MGAT5: variants seen among roughly 807,000 people sequenced by gnomAD.
The protein encoded by MGAT5 is alpha-1,6-mannosylglycoprotein 6-beta-N-acetylglucosaminyltransferase A.
MGAT5 carries 30 observed loss-of-function variants against 94.3 expected under a neutral mutation model. The observed-to-expected ratio is 0.32, with a 90% confidence interval of 0.24 to 0.43. MGAT5 has a LOEUF of 0.43. Among genes scored for constraint, MGAT5 ranks in the 20% least tolerant of loss-of-function variants. MGAT5 has a pLI of 1.00. For missense variants in MGAT5, 691 were observed against 905.5 expected, an observed-to-expected ratio of 0.76 and a Z score of 3.04; for synonymous variants, 310 against 322.9, an observed-to-expected ratio of 0.96 and a Z score of 0.43.
In MGAT5 at chr2:134,428,454, A is replaced by G; in HGVS notation, c.1869+15A>G. ...TTGAAAAACAGGTAAGGCTTATCAGAAGTCAGTCTGTCTTTGCTGTGTACT... is the reference window on the plus strand; with the variant it reads ...TTGAAAAACAGGTAAGGCTTATCAGGAGTCAGTCTGTCTTTGCTGTGTACT... On this transcript the variant is annotated intron_variant, in intron 14 of 15. Transcript: ENST00000281923. 1 of 1,611,222 alleles carries G rather than the reference A, an allele frequency of 6.2e-7. No individual in the cohort carries two copies. The highest frequency in any genetic ancestry group is 8.5e-7 in the Non-Finnish European group (1 of 1,177,848).
rs1392144232 is a variant in MGAT5, at chr2:134,321,595, C to G, written c.573+2856C>G. ...TGATGGATCACATATCACTTGCTAT[C>G]TGAGGCTGAGTATTTCATTTTGGAA... On this transcript the variant is annotated intron_variant, in intron 4 of 15. Transcript: ENST00000281923. Among the ~76,000 whole-genome samples, 3 of 152,172 alleles carry G rather than the reference C, an allele frequency of 2.0e-5. No homozygotes were observed. The East Asian group carries it at 5.8e-4, about 29-fold the overall frequency.
At chr2:134,439,413 A>G (rs1422021166) in intron 14 of MGAT5, among the ~76,000 whole-genome samples, 6 of 152,114 alleles carry the variant, frequency 3.9e-5, no homozygotes, top group Non-Finnish European at 8.8e-5. Context: ...AAAGTAACAC[A>G]AGGCCGGGCG....
chr2:134,169,168 A>G (rs1688083381), intron 1 of MGAT5, among the ~76,000 whole-genome samples: 1 of 152,280 alleles, frequency 6.6e-6, no homozygotes, highest in African/African-American at 2.4e-5. Context: ...AGAATGTATC[A>G]AGTAGGTTAT....
At chr2:134,252,107 G>A (rs1456980387), upstream of MGAT5, among the ~76,000 whole-genome samples, 2 of 152,218 alleles carry the variant, frequency 1.3e-5, no homozygotes, top group East Asian at 3.9e-4. Context: ...TGTCAGAGAA[G>A]TGTTGTAAGA....
chr2:134,145,697 G>C (rs1011505757), intron 1 of MGAT5, among the ~76,000 whole-genome samples: 11 of 152,216 alleles, frequency 7.2e-5, no homozygotes, highest in Admixed American at 2.0e-4. Flanking sequence ...CTTTATAGCT[G>C]TGTGCCTCTG....
chr2:134,351,867 TC>T (rs1558815987), intron 9 of MGAT5, among the ~76,000 whole-genome samples: 1 of 152,160 alleles, frequency 6.6e-6, no homozygotes. Flanking sequence ...AAGAAAAAGT[TC>T]CATGTTCCAA....
In MGAT5 at chr2:134,384,039, G is replaced by A. The variant is rs776404519; in HGVS notation, c.1381-18949G>A. On this transcript the variant is annotated intron_variant, in intron 10 of 15. Coordinates refer to ENST00000281923, the MANE Select transcript of MGAT5 (RefSeq NM_002410.5). ...GAAAGAATCAAAAGAAGGGTATATT[G>A]GACATAAAAATTTTATGTAATTCAC... Among the ~76,000 whole-genome samples the A allele has an allele frequency of 2.3e-4, 35 of 151,916 alleles. 1 individual carries two copies. The highest frequency in any genetic ancestry group is 4.9e-4 in the Non-Finnish European group (33 of 67,976).
chr2:134,381,369 A>AGAT (rs1553457670), intron 10 of MGAT5, among the ~76,000 whole-genome samples: 16,622 of 47,086 alleles, frequency 0.35, 1,598 homozygotes, highest in Non-Finnish European at 0.39. Flanking sequence ...ATAGATAGAT[A>AGAT]AGATAAGATA....
intron 1 of MGAT5, among the ~76,000 whole-genome samples, chr2:134,240,481 T>A (rs1453606497): frequency 6.6e-6 from 1 of 152,066 alleles, no homozygotes; most frequent in Non-Finnish European, 1.5e-5. Flanking sequence ...AGAGCTTGGA[T>A]ATGGTGGTTA....
intron 14 of MGAT5, among the ~76,000 whole-genome samples, chr2:134,439,632 G>A (rs1472150057): frequency 6.6e-6 from 1 of 152,092 alleles, no homozygotes; most frequent in East Asian, 1.9e-4. Context: ...AGGAGGCGGA[G>A]GTAGCAGGGA....
chr2:134,163,346 G>C (rs1687821686), intron 1 of MGAT5, among the ~76,000 whole-genome samples: 1 of 152,182 alleles, frequency 6.6e-6, no homozygotes, highest in Non-Finnish European at 1.5e-5. Context: ...GTGAGTAGGG[G>C]CTGGAGTAAG....
At chr2:134,311,999 C>T (rs1427178763) in intron 2 of MGAT5, among the ~76,000 whole-genome samples, 1 of 152,160 alleles carries the variant, frequency 6.6e-6, no homozygotes, top group Non-Finnish European at 1.5e-5. Flanking sequence ...CCTGTAATCC[C>T]AGCACTTTGG....
At chr2:134,390,645 A>G (rs984981304) in intron 10 of MGAT5, among the ~76,000 whole-genome samples, 7 of 152,228 alleles carry the variant, frequency 4.6e-5, no homozygotes, top group African/African-American at 1.4e-4. Context: ...ACCTTGTCCT[A>G]TGTCTACTGT....
At chr2:134,196,010 G>A (rs1367377292) in intron 1 of MGAT5, among the ~76,000 whole-genome samples, 1 of 152,174 alleles carries the variant, frequency 6.6e-6, no homozygotes, top group Non-Finnish European at 1.5e-5. Context: ...AGGGTAAAAA[G>A]TCAGGATGAT....
chr2:134,342,523 A>C (rs947381405), intron 7 of MGAT5, among the ~76,000 whole-genome samples: 6 of 152,100 alleles, frequency 3.9e-5, no homozygotes, highest in Non-Finnish European at 7.4e-5. Flanking sequence ...AGGCCAAGGT[A>C]GGTAGATCAC....
intron 5 of MGAT5, among the ~76,000 whole-genome samples, chr2:134,337,087 T>C (rs1688377053): frequency 6.6e-6 from 1 of 152,204 alleles, no homozygotes; most frequent in Non-Finnish European, 1.5e-5. Flanking sequence ...TAAAATTTTA[T>C]GCACAAAAAC....
At chr2:134,370,196 C>A (rs1382385231) in intron 10 of MGAT5, among the ~76,000 whole-genome samples, 1 of 152,174 alleles carries the variant, frequency 6.6e-6, no homozygotes, top group African/African-American at 2.4e-5. Context: ...GCTCTTAGCT[C>A]ATTGTTTTAA....
Position 134,336,793 on chromosome 2 carries a change from C to T in MGAT5, c.645+505C>T, listed in dbSNP as rs114305905. Among the ~76,000 whole-genome samples, 741 of 152,116 alleles carry T rather than the reference C, an allele frequency of 4.9e-3. 7 individuals are homozygous for T. Among genetic ancestry groups the T allele is most frequent in the African/African-American group, 0.016 (678 of 41,490 alleles). On this transcript the variant is annotated intron_variant, in intron 5 of 15. Coordinates refer to ENST00000281923, the MANE Select transcript of MGAT5 (RefSeq NM_002410.5). Reference sequence around the variant, plus strand: ...GCAGTTTCAGGGAGGAGAGCATGCACGCATGGTTCAGTTGGCCAAGGCCAT... The same window carrying T: ...GCAGTTTCAGGGAGGAGAGCATGCATGCATGGTTCAGTTGGCCAAGGCCAT...
At position 134,273,018 on chromosome 2, in the gene MGAT5, TGTGCGCGCGCGC is replaced by T. The variant is rs995214423; in HGVS notation, c.406+2476_406+2487del. Among the ~76,000 whole-genome samples the T allele has an allele frequency of 1.0e-4, 15 of 149,892 alleles. No individual in the cohort carries two copies. In the East Asian group the frequency reaches 1.0e-3, roughly 10 times the overall value. ...GTATGTGTGTGTGTGTCTGTGTGTGTGTGCGCGCGCGCGTGCGCGTGCATGCATGCAGAGGCA... is the reference window on the plus strand; with the variant it reads ...GTATGTGTGTGTGTGTCTGTGTGTGTGTGCGCGTGCATGCATGCAGAGGCA... On this transcript the variant is annotated intron_variant, in intron 2 of 15. Transcript: ENST00000281923.
Sources: allele counts gnomAD v4.1 joint callset (sites outside exome capture counted in the v4.1 genomes callset), GRCh38; gene constraint gnomAD v4.1.1; transcripts MANE v1.5; gene names NCBI Gene and HGNC (gene_info 2026-07-23, HGNC 2026-07-21).